TENM2: variants seen among roughly 807,000 people sequenced by gnomAD.
TENM2 encodes the protein teneurin-2.
Under a neutral mutation model 245.2 loss-of-function variants are expected in TENM2, and 52 were observed. That is an observed-to-expected ratio of 0.21 (90% CI 0.17 to 0.27). TENM2 has a LOEUF of 0.27. Ranked by LOEUF, TENM2 falls within the 10% of genes least tolerant of loss-of-function variation. The pLI is 1.00. For missense variants in TENM2, 3,046 were observed against 3,666.8 expected, an observed-to-expected ratio of 0.83 and a Z score of 4.37; for synonymous variants, 1,363 against 1,438.9, an observed-to-expected ratio of 0.95 and a Z score of 1.19.
At chr5:167,544,503 C>T (rs544307356) in intron 2 of TENM2, among the ~76,000 whole-genome samples, 3 of 152,180 alleles carry the variant, frequency 2.0e-5, no homozygotes, top group Non-Finnish European at 4.4e-5. Context: ...CATCATCTTC[C>T]CTGGAATTTA....
chr5:167,641,781 A>G (rs1189536053), intron 2 of TENM2, among the ~76,000 whole-genome samples: 1 of 152,116 alleles, frequency 6.6e-6, no homozygotes, highest in Non-Finnish European at 1.5e-5. Context: ...GCTTCAGAGA[A>G]TTGTTGCAAA....
chr5:167,819,083 T>TGTGC (rs1554124675), intron 2 of TENM2, among the ~76,000 whole-genome samples: 5 of 148,054 alleles, frequency 3.4e-5, no homozygotes, highest in African/African-American at 7.8e-5. Flanking sequence ...TGTGTGTGTG[T>TGTGC]GCGTGCGCGT....
chr5:168,215,638 C>T (rs554791494), intron 21 of TENM2, among the ~76,000 whole-genome samples: 21 of 152,320 alleles, frequency 1.4e-4, no homozygotes, highest in South Asian at 1.0e-3. Flanking sequence ...CACTGCACTC[C>T]AGCCTGGGCA....
intron 5 of TENM2, among the ~76,000 whole-genome samples, chr5:168,039,832 C>T (rs1268787576): frequency 6.6e-6 from 1 of 152,026 alleles, no homozygotes; most frequent in Admixed American, 6.6e-5. Context: ...CACCAGATGC[C>T]ACACACTCGC....
chr5:167,996,126 C>G (rs1321023240), intron 5 of TENM2, among the ~76,000 whole-genome samples: 1 of 152,196 alleles, frequency 6.6e-6, no homozygotes, highest in African/African-American at 2.4e-5. Context: ...AGAAAGAAGA[C>G]TTTCCAGAAA....
intron 2 of TENM2, among the ~76,000 whole-genome samples, chr5:167,580,030 T>G (rs1320066038): frequency 6.6e-6 from 1 of 152,228 alleles, no homozygotes; most frequent in Non-Finnish European, 1.5e-5. Context: ...TTTATAGGCT[T>G]GAAACTGAAT....
chr5:167,131,435 C>T, the TENM2 span, among the ~76,000 whole-genome samples: 37 of 152,216 alleles, frequency 2.4e-4, no homozygotes, highest in African/African-American at 8.4e-4. Flanking sequence ...GTGTCCTAAT[C>T]CCTTTGATGG....
At chr5:167,123,458 A>G in the TENM2 span, among the ~76,000 whole-genome samples, 1 of 152,114 alleles carries the variant, frequency 6.6e-6, no homozygotes, top group Admixed American at 6.6e-5. Context: ...GACTCTGGTG[A>G]TTTTCCTCTC....
chr5:167,978,676 G>GT (rs1222619970), intron 4 of TENM2, among the ~76,000 whole-genome samples: 1 of 150,916 alleles, frequency 6.6e-6, no homozygotes, highest in Non-Finnish European at 1.5e-5. Context: ...GGAATTTGAG[G>GT]TTTTTTGGGG....
At chr5:168,206,625 T>C (rs1249269955) in intron 19 of TENM2, among the ~76,000 whole-genome samples, 1 of 152,176 alleles carries the variant, frequency 6.6e-6, no homozygotes. Context: ...GCTGCCAAAC[T>C]GGCGATCAGA....
At chr5:168,121,900 G>T (rs1795495068) in intron 10 of TENM2, among the ~76,000 whole-genome samples, 1 of 152,076 alleles carries the variant, frequency 6.6e-6, no homozygotes, top group African/African-American at 2.4e-5. Context: ...TCCTTTATTG[G>T]AACAATATAA....
chr5:167,675,813 G>A (rs1018495520), intron 2 of TENM2, among the ~76,000 whole-genome samples: 3 of 152,012 alleles, frequency 2.0e-5, no homozygotes, highest in African/African-American at 4.8e-5. Context: ...TCAGAGAGTC[G>A]CATTTTCATG....
At chr5:168,065,342 A>G (rs1790401883) in intron 7 of TENM2, among the ~76,000 whole-genome samples, 3 of 152,178 alleles carry the variant, frequency 2.0e-5, no homozygotes, top group Non-Finnish European at 4.4e-5. Context: ...ACAACATTGC[A>G]TAGGAGAAAA....
At chr5:168,002,268 C>A (rs1240277602) in intron 5 of TENM2, among the ~76,000 whole-genome samples, 1 of 152,110 alleles carries the variant, frequency 6.6e-6, no homozygotes, top group Non-Finnish European at 1.5e-5. Flanking sequence ...TGGGGAGATT[C>A]GTGCAAACAT....
intron 2 of TENM2, among the ~76,000 whole-genome samples, chr5:167,706,994 G>T (rs1035710540): frequency 3.8e-5 from 5 of 131,948 alleles, no homozygotes; most frequent in African/African-American, 1.5e-4. Flanking sequence ...CATCCTGGGC[G>T]ACAGAGTGAG....
chr5:167,496,437 A>G (rs1768825152), intron 2 of TENM2, among the ~76,000 whole-genome samples: 1 of 152,206 alleles, frequency 6.6e-6, no homozygotes, highest in East Asian at 1.9e-4. Context: ...AACAACAACA[A>G]TCAGTTAGTA....
rs1237833509 is a variant in TENM2 at position 168,062,063 on chromosome 5, C to T, written c.1313C>T (p.Pro438Leu). 3.7e-6 allele frequency: 6 copies of T among 1,605,662 alleles called. No individual in the cohort carries two copies. The South Asian group carries it at 4.4e-5, about 12-fold the overall frequency. Residue 438 changes from proline (P) to leucine (L), a missense_variant, in exon 7 of 29, where the codon CCC (proline) becomes CTC (leucine). By Grantham distance (98) the Pro-to-Leu change is moderately conservative. This residue lies in a region of TENM2 where 2,704 missense variants were observed against 3,331.9 expected (regional missense o/e 0.81). Coordinates refer to ENST00000518659, the Ensembl canonical transcript of TENM2. Reference sequence around the variant, plus strand: ...TTATTCCTTTTTTTTTTTTCAGTGCCCTGGTCGTTGAAAAACAGCAGCATA... The same window carrying T: ...TTATTCCTTTTTTTTTTTTCAGTGCTCTGGTCGTTGAAAAACAGCAGCATA...
upstream of TENM2, among the ~76,000 whole-genome samples, chr5:167,280,998 T>G (rs1371700027): frequency 6.6e-6 from 1 of 152,104 alleles, no homozygotes; most frequent in African/African-American, 2.4e-5. Flanking sequence ...GGGAAAAGTA[T>G]GTCTATTCCA....
At chr5:167,669,457 A>T (rs1385639500) in intron 2 of TENM2, among the ~76,000 whole-genome samples, 5 of 152,236 alleles carry the variant, frequency 3.3e-5, no homozygotes, top group Non-Finnish European at 7.3e-5. Context: ...TCCGTTGAAG[A>T]CAGTTAAGAT....
Sources: allele counts gnomAD v4.1 joint callset (sites outside exome capture counted in the v4.1 genomes callset), GRCh38; gene constraint gnomAD v4.1.1; regional missense constraint gnomAD v4.1.1; transcripts MANE v1.5; gene names NCBI Gene and HGNC (gene_info 2026-07-23, HGNC 2026-07-21).